Variants in KRAS observed in about 807,000 individuals in gnomAD.
KRAS encodes the protein KRas proto-oncogene, GTPase, also known as GTPase KRas.
KRAS carries 1 observed loss-of-function variant against 21.0 expected under a neutral mutation model. That is an observed-to-expected ratio of 0.05 (90% CI 0.02 to 0.23). The LOEUF (loss-of-function observed/expected upper bound fraction) is 0.23, where lower values mean the gene tolerates loss of function less well. KRAS is among the 10% of genes least tolerant of loss of function. The pLI is 1.00. For missense variants in KRAS, 107 were observed against 221.8 expected (o/e 0.48, Z 3.29); for synonymous variants, 67 against 72.5 (o/e 0.92, Z 0.39).
At chr12:25,249,470 T>C (rs1951734940) in intron 1 of KRAS, among the ~76,000 whole-genome samples, 1 of 151,108 alleles carries the variant, frequency 6.6e-6, no homozygotes, top group Non-Finnish European at 1.5e-5. Context: ...GTGCACCTAC[T>C]AGTCCCAGCT....
intron 4 of KRAS, chr12:25,210,975 T>C (rs551526636): frequency 1.3e-5 from 2 of 152,054 alleles, no homozygotes; most frequent in African/African-American, 4.8e-5. Flanking sequence ...AAAATATAAA[T>C]AAAAGCAAAA....
At chr12:25,233,415 G>A (rs1951501875) in intron 2 of KRAS, among the ~76,000 whole-genome samples, 1 of 152,140 alleles carries the variant, frequency 6.6e-6, no homozygotes, top group Non-Finnish European at 1.5e-5. Flanking sequence ...AAAATTAGGT[G>A]TGGTAGTGTG....
intron 2 of KRAS, among the ~76,000 whole-genome samples, chr12:25,242,588 T>C (rs192856004): frequency 3.3e-5 from 5 of 152,322 alleles, no homozygotes; most frequent in East Asian, 3.9e-4. Context: ...AAGGTGATTA[T>C]GTGCACAGCC....
chr12:25,241,301 T>C (rs934330980), intron 2 of KRAS, among the ~76,000 whole-genome samples: 1 of 152,304 alleles, frequency 6.6e-6, no homozygotes, highest in Admixed American at 6.5e-5. Context: ...CCACCCATAA[T>C]TTAAACAGCG....
intron 1 of KRAS, among the ~76,000 whole-genome samples, chr12:25,247,575 C>A (rs911026608): frequency 1.3e-5 from 2 of 152,312 alleles, no homozygotes; most frequent in Admixed American, 1.3e-4. Context: ...TCTCTGCCTA[C>A]CCCAACCTCC....
chr12:25,211,915 G>T (rs890233296), intron 4 of KRAS, among the ~76,000 whole-genome samples: 2 of 152,150 alleles, frequency 1.3e-5, no homozygotes, highest in Non-Finnish European at 2.9e-5. Flanking sequence ...ACAAACATAT[G>T]CTTTTGTTTC....
chr12:25,231,365 C>CA (rs1385393058), intron 2 of KRAS, among the ~76,000 whole-genome samples: 3 of 151,978 alleles, frequency 2.0e-5, no homozygotes, highest in Non-Finnish European at 4.4e-5. Context: ...TTACAGGCGT[C>CA]AACCATCGCG....
chr12:25,238,602 T>C (rs1951572137), intron 2 of KRAS, among the ~76,000 whole-genome samples: 2 of 152,302 alleles, frequency 1.3e-5, no homozygotes, highest in East Asian at 3.9e-4. Flanking sequence ...ATAAGCTTAT[T>C]TTAAAAAACT....
At chr12:25,215,114 AAGCT>A in intron 4 of KRAS, 1 of 296,004 alleles carries the variant, frequency 3.4e-6, no homozygotes, top group Non-Finnish European at 5.0e-6. Context: ...AAAAAAAAAA[AAGCT>A]GCTGATTATC....
chr12:25,227,131 A>G lies in KRAS; in HGVS notation c.290+103T>C. ...TACCTACCTCATAAACATTATTTAA[A>G]AATTTTTATTAAATATTATATGCAT... On this transcript the variant is annotated intron_variant, in intron 3 of 4. Coordinates refer to ENST00000311936, the MANE Select transcript of KRAS (RefSeq NM_004985.5). The G allele has an allele frequency of 3.9e-6, 3 of 764,558 alleles. No homozygotes were observed. The East Asian group carries it at 8.5e-5, about 22-fold the overall frequency. 47.4% of individuals were successfully genotyped at this position (764,558 alleles called of 1,614,324 possible).
At chr12:25,225,257 G>T in intron 4 of KRAS, 1 of 142,976 alleles carries the variant, frequency 7.0e-6, no homozygotes. Flanking sequence ...TACCGAAATA[G>T]AAAACGCAAA....
At chr12:25,223,040 T>C (rs1951347885) in intron 4 of KRAS, among the ~76,000 whole-genome samples, 1 of 152,168 alleles carries the variant, frequency 6.6e-6, no homozygotes, top group Non-Finnish European at 1.5e-5. Flanking sequence ...ACCTTCTGAA[T>C]TAGAATCTGG....
chr12:25,230,060 C>T (rs1313126248), intron 2 of KRAS, among the ~76,000 whole-genome samples: 1 of 152,210 alleles, frequency 6.6e-6, no homozygotes, highest in East Asian at 1.9e-4. Context: ...GCATGAGCCA[C>T]TGCGCCCAGC....
At chr12:25,242,187 A>T (rs1262887324) in intron 2 of KRAS, among the ~76,000 whole-genome samples, 1 of 152,230 alleles carries the variant, frequency 6.6e-6, no homozygotes, top group African/African-American at 2.4e-5. Context: ...GAACTGAATT[A>T]TAAGTGCCAC....
chr12:25,213,046 A>G (rs1026012673), intron 4 of KRAS, among the ~76,000 whole-genome samples: 3 of 152,146 alleles, frequency 2.0e-5, no homozygotes, highest in African/African-American at 7.2e-5. Context: ...CTACAGGCAC[A>G]CACACCACAG....
In KRAS at chr12:25,230,498, CA is replaced by C. The variant is rs1419723041; in HGVS notation, c.112-3087del. 5.9e-5 allele frequency among the ~76,000 whole-genome samples: 9 copies of C among 152,172 alleles called. No homozygotes were observed. The South Asian group carries it at 1.2e-3, about 21-fold the overall frequency. ...ACAAAATTACCTGGGCCTGGTGGTG[CA>C]TGACTGTAATCCCAGCTACTCGGGA... On this transcript the variant is annotated intron_variant, in intron 2 of 4. Transcript: ENST00000311936.
intron 2 of KRAS, among the ~76,000 whole-genome samples, chr12:25,232,482 G>A (rs1951486601): frequency 6.6e-6 from 1 of 151,940 alleles, no homozygotes; most frequent in African/African-American, 2.4e-5. Flanking sequence ...GAAAGTACTG[G>A]TTATGAAAAC....
At chr12:25,222,618 A>C (rs1592804449) in intron 4 of KRAS, among the ~76,000 whole-genome samples, 1 of 152,202 alleles carries the variant, frequency 6.6e-6, no homozygotes, top group East Asian at 1.9e-4. Context: ...TAGATGATCC[A>C]CATAAAAATG....
At chr12:25,211,743 G>C (rs1951202058) in intron 4 of KRAS, among the ~76,000 whole-genome samples, 1 of 152,154 alleles carries the variant, frequency 6.6e-6, no homozygotes, top group Admixed American at 6.5e-5. Context: ...AATATTTTAA[G>C]AGAGGTAAAC....
Sources: allele counts gnomAD v4.1 joint callset (sites outside exome capture counted in the v4.1 genomes callset), GRCh38; gene constraint gnomAD v4.1.1; transcripts MANE v1.5; gene names NCBI Gene and HGNC (gene_info 2026-07-23, HGNC 2026-07-21).